Variants in RALA observed in about 807,000 individuals in gnomAD.
RALA encodes the protein ras-related protein Ral-A.
RALA carries 5 observed loss-of-function variants against 24.0 expected under a neutral mutation model. The observed-to-expected ratio is 0.21, with a 90% CI of 0.11 to 0.44. The LOEUF is 0.44. Among genes scored for constraint, RALA ranks in the 20% least tolerant of loss-of-function variants. The probability of loss-of-function intolerance (pLI) is 0.99; values close to 1 mark genes in which losing one functional copy is unlikely to be tolerated. For synonymous variants in RALA, 77 were observed against 83.8 expected (o/e 0.92, Z 0.44); for missense variants, 95 against 241.2 (o/e 0.39, Z 4.01).
intron 1 of RALA, among the ~76,000 whole-genome samples, chr7:39,649,992 T>A (rs1791993393): frequency 6.6e-6 from 1 of 152,170 alleles, no homozygotes; most frequent in Non-Finnish European, 1.5e-5. Flanking sequence ...ATGAGTAGGC[T>A]TGGGAGAGAA....
intron 4 of RALA, 21 bp downstream of exon 4, chr7:39,696,880 A>T (rs1244127198): frequency 6.3e-7 from 1 of 1,591,136 alleles, no homozygotes; most frequent in African/African-American, 1.4e-5. Context: ...ACTCTTTACT[A>T]CTGCATCATG....
intron 1 of RALA, among the ~76,000 whole-genome samples, chr7:39,677,574 A>T (rs1234154997): frequency 5.9e-5 from 3 of 50,470 alleles, no homozygotes; most frequent in African/African-American, 2.5e-4. Flanking sequence ...ATACCCAGTA[A>T]TGGGATGGCT....
At chr7:39,697,710 A>G (rs543779200) in intron 4 of RALA, among the ~76,000 whole-genome samples, 3 of 152,322 alleles carry the variant, frequency 2.0e-5, no homozygotes, top group Admixed American at 2.0e-4. Context: ...GATTCTAGCA[A>G]GTGCTGCATG....
chr7:39,693,345 A>G (rs1264640624), intron 3 of RALA, among the ~76,000 whole-genome samples: 9 of 152,112 alleles, frequency 5.9e-5, no homozygotes, highest in Admixed American at 5.9e-4. Flanking sequence ...GCATATTTTC[A>G]CTCATAGGTG....
intron 1 of RALA, among the ~76,000 whole-genome samples, chr7:39,628,318 G>T (rs1791530381): frequency 6.6e-6 from 1 of 151,818 alleles, no homozygotes; most frequent in South Asian, 2.1e-4. Context: ...ACTGGAGAGA[G>T]TACTTTCATT....
At chr7:39,636,977 G>A (rs1028636737) in intron 1 of RALA, among the ~76,000 whole-genome samples, 1 of 152,172 alleles carries the variant, frequency 6.6e-6, no homozygotes, top group Non-Finnish European at 1.5e-5. Context: ...CTGATGTGGG[G>A]ATTACAAATT....
intron 1 of RALA, 27 bp from the exon 2 acceptor site, chr7:39,686,603 GC>G (rs1320482160): frequency 4.0e-5 from 49 of 1,227,552 alleles, no homozygotes; most frequent in Non-Finnish European, 5.6e-5. Flanking sequence ...AATGTACTGA[GC>G]ATTACTTATT....
chr7:39,689,429 C>T (rs746787458), intron 2 of RALA, among the ~76,000 whole-genome samples: 1 of 152,184 alleles, frequency 6.6e-6, no homozygotes, highest in Non-Finnish European at 1.5e-5. Context: ...TCCCATGTAA[C>T]AGGCACTGTT....
intron 1 of RALA, among the ~76,000 whole-genome samples, chr7:39,675,618 C>T (rs1397717720): frequency 6.6e-6 from 1 of 151,918 alleles, no homozygotes; most frequent in Non-Finnish European, 1.5e-5. Flanking sequence ...CCTAGTTACT[C>T]AGGTGGCTGA....
At chr7:39,627,856 T>C (rs937614277) in intron 1 of RALA, among the ~76,000 whole-genome samples, 2 of 152,230 alleles carry the variant, frequency 1.3e-5, no homozygotes, top group South Asian at 2.1e-4. Flanking sequence ...TAAAATCCTC[T>C]TGTGGCTCTT....
chr7:39,650,751 A>G (rs917923813), intron 1 of RALA, among the ~76,000 whole-genome samples: 2 of 152,238 alleles, frequency 1.3e-5, no homozygotes, highest in Non-Finnish European at 2.9e-5. Context: ...TGGGTCAGCA[A>G]TGTGAAAGCA....
At chr7:39,663,099 C>T (rs949075710) in intron 1 of RALA, among the ~76,000 whole-genome samples, 1 of 152,124 alleles carries the variant, frequency 6.6e-6, no homozygotes, top group Non-Finnish European at 1.5e-5. Context: ...AGTTGTCTCC[C>T]ACTGAGTCCC....
At chr7:39,661,621 G>A (rs1396062010) in intron 1 of RALA, among the ~76,000 whole-genome samples, 1 of 152,240 alleles carries the variant, frequency 6.6e-6, no homozygotes, top group African/African-American at 2.4e-5. Context: ...TGATGCAAAA[G>A]GTGGGTTCCC....
At chr7:39,630,838 A>G (rs1231198692) in intron 1 of RALA, among the ~76,000 whole-genome samples, 1 of 152,124 alleles carries the variant, frequency 6.6e-6, no homozygotes, top group Non-Finnish European at 1.5e-5. Context: ...CCATTCATGC[A>G]CCAGTACCAC....
intron 1 of RALA, among the ~76,000 whole-genome samples, chr7:39,643,258 A>T: frequency 6.6e-6 from 1 of 152,250 alleles, no homozygotes; most frequent in East Asian, 1.9e-4. Flanking sequence ...TATCTGATGC[A>T]TAAGAGAATA....
rs934266170 is a variant in RALA at position 39,652,925 on chromosome 7, A to G, written c.-38+29100A>G. The stretch of plus-strand genomic sequence containing the variant: ...GGATTACAGGCATGCACCACCATAC[A>G]TGGCTAATTTTTGTATTTTTAGTAG... On this transcript the variant is annotated intron_variant, in intron 1 of 4. Coordinates refer to ENST00000005257, the MANE Select transcript of RALA (RefSeq NM_005402.4). 2.7e-4 allele frequency among the ~76,000 whole-genome samples: 40 copies of G among 149,512 alleles called. 1 individual carries two copies. The highest frequency in any genetic ancestry group is 9.6e-4 in the African/African-American group (39 of 40,462).
chr7:39,633,284 A>G (rs1583703958), intron 1 of RALA, among the ~76,000 whole-genome samples: 1 of 152,354 alleles, frequency 6.6e-6, no homozygotes, highest in South Asian at 2.1e-4. Flanking sequence ...TAAAGAAAAG[A>G]GGTTTAATTA....
Position 39,702,777 on chromosome 7 carries a change from T to C in RALA, c.499-3346T>C, listed in dbSNP as rs1231261309. Among the ~76,000 whole-genome samples the C allele has an allele frequency of 2.0e-5, 3 of 152,232 alleles. No individual in the cohort carries two copies. In the East Asian group the frequency reaches 5.8e-4, roughly 29 times the overall value. ...GGAACAGGCAGTTAAACACTGCATG[T>C]TCTCATTCATATGTAAAAGCTTAGA... is the stretch of plus-strand genomic sequence containing the variant. On this transcript the variant is annotated intron_variant, in intron 4 of 4. Transcript: ENST00000005257.
At chr7:39,635,235 G>A (rs1412977577) in intron 1 of RALA, among the ~76,000 whole-genome samples, 1 of 152,086 alleles carries the variant, frequency 6.6e-6, no homozygotes, top group Non-Finnish European at 1.5e-5. Context: ...GCCGAGCATG[G>A]TGGCGCGTGC....
Sources: gnomAD v4.1 joint callset for allele counts (sites outside exome capture counted in the v4.1 genomes callset) on GRCh38, gnomAD v4.1.1 for gene constraint, MANE v1.5 for transcripts, NCBI Gene and HGNC (gene_info 2026-07-23, HGNC 2026-07-21) for gene names.